Variants in TEX26 observed in about 807,000 individuals in gnomAD.
The protein encoded by TEX26 is testis-expressed protein 26.
In TEX26, 34 loss-of-function variants were observed where a neutral mutation model predicts 35.3. The ratio of observed to expected loss-of-function variants is 0.96; its 90% CI spans 0.73 to 1.28. TEX26 has a LOEUF of 1.28. Among genes scored for constraint, TEX26 ranks in the 50% most tolerant of loss-of-function variants. The probability of loss-of-function intolerance (pLI) is 0.00; values close to 1 mark genes in which losing one functional copy is unlikely to be tolerated. For missense variants in TEX26, 371 were observed against 330.1 expected (o/e 1.12, Z -0.96); for synonymous variants, 136 against 111.8 (o/e 1.22, Z -1.36).
chr13:30,939,801 T>C, intron 2 of TEX26, 23 bp downstream of exon 2: 1 of 1,585,052 alleles, frequency 6.3e-7, no homozygotes, highest in Non-Finnish European at 8.7e-7. Context: ...TTGTGTTGGA[T>C]TGATATACAT....
intron 4 of TEX26, among the ~76,000 whole-genome samples, chr13:30,958,278 CA>C (rs1301043750): frequency 6.6e-6 from 1 of 152,200 alleles, no homozygotes; most frequent in African/African-American, 2.4e-5. Context: ...TGATTCAATG[CA>C]ATTTTGGTCT....
chr13:30,968,422 A>G (rs1290532306), intron 5 of TEX26, among the ~76,000 whole-genome samples: 1 of 152,234 alleles, frequency 6.6e-6, no homozygotes, highest in Non-Finnish European at 1.5e-5. Flanking sequence ...TCATCAGTGC[A>G]GATTCCCTGT....
rs778651201 is a variant in TEX26, at chr13:30,945,749, C to T, written c.146+5971C>T. ...AGGTTGAGAGTTATTCCCTTTAAGG[C>T]GGCTAAAGATAGGACCCCAATCCCT... On this transcript the variant is annotated intron_variant, in intron 2 of 6. Transcript: ENST00000380473. Among the ~76,000 whole-genome samples, 30 of 151,974 alleles carry T rather than the reference C, an allele frequency of 2.0e-4. 1 individual carries two copies. The highest frequency in any genetic ancestry group is 8.3e-4 in the South Asian group (4 of 4,818).
At chr13:30,969,075 A>G (rs1320856420) in intron 6 of TEX26, 29 bp downstream of exon 6, 2 of 1,595,536 alleles carry the variant, frequency 1.3e-6, no homozygotes, top group Non-Finnish European at 1.7e-6. Flanking sequence ...TCACACACTT[A>G]CAGATCACAA....
At position 30,941,417 on chromosome 13, in the gene TEX26, C is replaced by A. The variant is rs558844645; in HGVS notation, c.146+1639C>A. Reference sequence around the variant, plus strand: ...ATGAAAGCCAAAAACAAATAGATAACTTAGGGAGTCTAGGTCAGTGATGTT... The same window carrying A: ...ATGAAAGCCAAAAACAAATAGATAAATTAGGGAGTCTAGGTCAGTGATGTT... On this transcript the variant is annotated intron_variant, in intron 2 of 6. Transcript: ENST00000380473. 7.2e-5 allele frequency among the ~76,000 whole-genome samples: 11 copies of A among 152,246 alleles called. No homozygotes were observed. In the East Asian group the frequency reaches 1.4e-3, roughly 19 times the overall value.
In TEX26 at chr13:30,956,857, A is replaced by G; in HGVS notation, c.313-16A>G. On this transcript the variant is annotated splice_polypyrimidine_tract_variant and intron_variant, in intron 3 of 6. Coordinates refer to ENST00000380473, the MANE Select transcript of TEX26 (RefSeq NM_152325.3). ...ACCCATATGGATTTTCTTGAAAATT[A>G]TGTTTGCTTTGATAGGACATTTTCC... 6.2e-7 allele frequency: 1 copy of G among 1,611,706 alleles called. No individual in the cohort carries two copies. The highest frequency in any genetic ancestry group is 8.5e-7 in the Non-Finnish European group (1 of 1,178,172).
chr13:30,935,733 G>A (rs7984339), intron 1 of TEX26, among the ~76,000 whole-genome samples: 88,381 of 152,080 alleles, frequency 0.58, 26,456 homozygotes, highest in Non-Finnish European at 0.65. Flanking sequence ...ACACTTGACC[G>A]GATGACCTGC....
intron 2 of TEX26, among the ~76,000 whole-genome samples, chr13:30,948,723 G>C (rs1467819695): frequency 6.6e-6 from 1 of 152,038 alleles, no homozygotes; most frequent in Non-Finnish European, 1.5e-5. Context: ...TTCTTTTGCT[G>C]TGCAGAAGCT....
At chr13:30,936,666 G>T in intron 1 of TEX26, 2 of 985,298 alleles carry the variant, frequency 2.0e-6, no homozygotes, top group African/African-American at 1.7e-5. Flanking sequence ...GTTCTCCAAG[G>T]CCAGGTCAAG....
chr13:30,958,154 C>T (rs563573145), intron 4 of TEX26, among the ~76,000 whole-genome samples: 3 of 152,246 alleles, frequency 2.0e-5, no homozygotes, highest in Non-Finnish European at 2.9e-5. Flanking sequence ...CTGGGAACAC[C>T]TTTGACTGTT....
rs943705330 is a variant in TEX26 at position 30,941,586 on chromosome 13, C to T, written c.146+1808C>T. ...GTGAGATCTGAGATTTTAGGGTACC[C>T]GTAACTAAAGTAGTGTACATTGTAC... is the stretch of plus-strand genomic sequence containing the variant. On this transcript the variant is annotated intron_variant, in intron 2 of 6. Transcript: ENST00000380473. Among the ~76,000 whole-genome samples the T allele has an allele frequency of 7.9e-5, 12 of 152,168 alleles. No homozygotes were observed. The South Asian group carries it at 1.0e-3, about 13-fold the overall frequency.
chr13:30,947,034 A>T (rs1194033087), intron 2 of TEX26, among the ~76,000 whole-genome samples: 1 of 152,070 alleles, frequency 6.6e-6, no homozygotes, highest in African/African-American at 2.4e-5. Flanking sequence ...TTTATTGATC[A>T]TGCTATTATA....
chr13:30,974,112 C>G (rs1320948119), intron 6 of TEX26, among the ~76,000 whole-genome samples: 1 of 77,892 alleles, frequency 1.3e-5, no homozygotes, highest in African/African-American at 5.1e-5. Flanking sequence ...TAGAGTGAGC[C>G]TCCATCTAAA....
At chr13:30,940,322 C>CTTTTTTT (rs869246492) in intron 2 of TEX26, among the ~76,000 whole-genome samples, 2,098 of 52,086 alleles carry the variant, frequency 0.04, 480 homozygotes, top group East Asian at 0.11. Flanking sequence ...CATCAGCTGC[C>CTTTTTTT]TTTTTTTTTT....
intron 6 of TEX26, among the ~76,000 whole-genome samples, chr13:30,973,919 G>A (rs939459873): frequency 5.9e-5 from 9 of 151,802 alleles, no homozygotes. Flanking sequence ...GGAAGCCGAG[G>A]CGGGTGGATC....
At chr13:30,974,131 A>AAATATATATATATATATATATATAT in intron 6 of TEX26, among the ~76,000 whole-genome samples, 3 of 84,412 alleles carry the variant, frequency 3.6e-5, no homozygotes, top group East Asian at 3.1e-4. Flanking sequence ...AAAAAAAAAA[A>AAATATATATATATATATATATATAT]ATATATATAT....
chr13:30,945,116 T>G (rs1953655018), intron 2 of TEX26, among the ~76,000 whole-genome samples: 1 of 152,040 alleles, frequency 6.6e-6, no homozygotes, highest in African/African-American at 2.4e-5. Flanking sequence ...TTTATGAATC[T>G]GGGAGCTCCA....
intron 4 of TEX26, among the ~76,000 whole-genome samples, chr13:30,963,771 G>A (rs567808285): frequency 6.6e-6 from 1 of 152,256 alleles, no homozygotes; most frequent in Non-Finnish European, 1.5e-5. Context: ...ATTTCCATGT[G>A]AGATCTACAG....
chr13:30,959,371 A>G (rs1320990112), intron 4 of TEX26, among the ~76,000 whole-genome samples: 1 of 152,056 alleles, frequency 6.6e-6, no homozygotes, highest in Non-Finnish European at 1.5e-5. Context: ...CTCTTCATTC[A>G]TGAATTTTAG....
Sources: allele counts gnomAD v4.1 joint callset (sites outside exome capture counted in the v4.1 genomes callset), GRCh38; gene constraint gnomAD v4.1.1; transcripts MANE v1.5; gene names NCBI Gene and HGNC (gene_info 2026-07-23, HGNC 2026-07-21).